The following POU6F2 variants were observed in gnomAD, a reference collection of about 807,000 sequenced individuals.
POU6F2 encodes POU domain, class 6, transcription factor 2.
POU6F2 carries 31 observed loss-of-function variants against 71.3 expected under a neutral mutation model. The ratio of observed to expected loss-of-function variants is 0.43; its 90% CI spans 0.33 to 0.59. The LOEUF is 0.59. POU6F2 is among the 20% of genes least tolerant of loss of function. The pLI is 0.04. For missense variants in POU6F2, 783 were observed against 856.8 expected, an observed-to-expected ratio of 0.91 and a Z score of 1.07; for synonymous variants, 347 against 355.7, an observed-to-expected ratio of 0.98 and a Z score of 0.27.
chr7:39,373,546 G>A, intron 5 of POU6F2: 1 of 456,692 alleles, frequency 2.2e-6, no homozygotes, highest in South Asian at 1.5e-5. Flanking sequence ...CTTCACTTCA[G>A]AAATGATTCA....
At chr7:39,082,891 C>CA (rs532287683) in intron 1 of POU6F2, among the ~76,000 whole-genome samples, 14 of 149,886 alleles carry the variant, frequency 9.3e-5, no homozygotes, top group South Asian at 2.1e-4. Context: ...TTTTGTAAGA[C>CA]AAAAAAAATT....
intron 4 of POU6F2, among the ~76,000 whole-genome samples, chr7:39,225,939 T>A (rs1358727211): frequency 6.6e-6 from 1 of 151,516 alleles, no homozygotes; most frequent in African/African-American, 2.4e-5. Flanking sequence ...CAGGTTTTAA[T>A]GTAGAATTAA....
At chr7:39,273,290 C>T (rs1006766239) in intron 4 of POU6F2, among the ~76,000 whole-genome samples, 2 of 152,086 alleles carry the variant, frequency 1.3e-5, no homozygotes, top group African/African-American at 4.8e-5. Context: ...GTACAGTGAA[C>T]AAACCTAGAA....
chr7:39,416,093 TACACACAC>T (rs57579748), intron 6 of POU6F2, among the ~76,000 whole-genome samples: 5,408 of 139,216 alleles, frequency 0.039, 118 homozygotes, highest in Non-Finnish European at 0.048. Flanking sequence ...CTCGAAGGCA[TACACACAC>T]ACACACACAC....
chr7:39,192,121 T>C lies in POU6F2; in HGVS notation c.278-12114T>C, dbSNP rs141573492. Among the ~76,000 whole-genome samples, 265 of 152,354 alleles carry C rather than the reference T, an allele frequency of 1.7e-3. 2 individuals carry two copies. Among genetic ancestry groups the C allele is most frequent in the African/African-American group, 6.2e-3 (259 of 41,588 alleles). On this transcript the variant is annotated intron_variant, in intron 2 of 9. Transcript: ENST00000518318. ...ATCAATTTTGTGGTGTTGTCTGTTA[T>C]AGAAGCTCTATTACCATAAGGGTTT...
chr7:39,301,023 C>A (rs932937321), intron 4 of POU6F2, among the ~76,000 whole-genome samples: 5 of 152,098 alleles, frequency 3.3e-5, no homozygotes, highest in African/African-American at 7.2e-5. Flanking sequence ...TGAGGAAATG[C>A]CATAGAGTAA....
intron 2 of POU6F2, among the ~76,000 whole-genome samples, chr7:39,200,029 A>T (rs1490116730): frequency 2.0e-5 from 3 of 152,224 alleles, no homozygotes; most frequent in Admixed American, 1.3e-4. Flanking sequence ...ATTACAAAAC[A>T]GATGTATCTG....
intron 4 of POU6F2, among the ~76,000 whole-genome samples, chr7:39,249,183 CCT>C (rs982263793): frequency 6.6e-6 from 1 of 152,222 alleles, no homozygotes; most frequent in African/African-American, 2.4e-5. Flanking sequence ...GTTGCTGACT[CCT>C]TAATGTGCTG....
At chr7:39,228,008 C>T (rs1028021343) in intron 4 of POU6F2, among the ~76,000 whole-genome samples, 2 of 152,060 alleles carry the variant, frequency 1.3e-5, no homozygotes, top group African/African-American at 4.8e-5. Context: ...GGTTGGTGGG[C>T]CTGGATTCAT....
chr7:39,406,352 T>TTC, intron 5 of POU6F2: 1 of 500,414 alleles, frequency 2.0e-6, no homozygotes, highest in South Asian at 2.5e-5. Context: ...TTCAGGCTCG[T>TTC]TCCCTCCTGG....
Position 39,433,065 on chromosome 7 carries a change from C to T in POU6F2, c.1114-12C>T. ...ACCGAGCCAGCTCCTCACCTTTGGC[C>T]CTCTCTTGCAGATTATCGGGACCAT... On this transcript the variant is annotated splice_polypyrimidine_tract_variant and intron_variant, in intron 6 of 9. Coordinates refer to ENST00000518318, the MANE Select transcript of POU6F2 (RefSeq NM_001370959.1). 6.2e-7 allele frequency: 1 copy of T among 1,612,254 alleles called. No homozygotes were observed. Among genetic ancestry groups the T allele is most frequent in the Non-Finnish European group, 8.5e-7 (1 of 1,178,704 alleles).
At chr7:39,406,471 C>T in intron 5 of POU6F2, 129 bp from the exon 6 acceptor site, 1 of 1,069,054 alleles carries the variant, frequency 9.4e-7, no homozygotes. Context: ...CCACGCCCCT[C>T]CGGTGGGTTC....
At chr7:39,150,657 G>A (rs1157058339) in intron 2 of POU6F2, among the ~76,000 whole-genome samples, 3 of 151,278 alleles carry the variant, frequency 2.0e-5, no homozygotes, top group African/African-American at 7.3e-5. Flanking sequence ...TAGTACAGAT[G>A]GGGTTTCGTC....
chr7:39,034,522 T>A (rs1790016284), intron 1 of POU6F2: 1 of 421,470 alleles, frequency 2.4e-6, no homozygotes, highest in East Asian at 7.2e-5. Context: ...GATATAATAA[T>A]GCACATAAAG....
chr7:39,267,454 C>T (rs1005843366), intron 4 of POU6F2, among the ~76,000 whole-genome samples: 2 of 152,110 alleles, frequency 1.3e-5, no homozygotes, highest in Non-Finnish European at 1.5e-5. Context: ...AGCAGGGAGC[C>T]CCGCATCTGT....
intron 7 of POU6F2, among the ~76,000 whole-genome samples, chr7:39,433,816 A>G (rs1297708658): frequency 6.6e-6 from 1 of 152,206 alleles, no homozygotes; most frequent in Non-Finnish European, 1.5e-5. Flanking sequence ...TTTGTGCTAG[A>G]GATTGGGTCC....
At chr7:39,050,547 A>G (rs976915718) in intron 1 of POU6F2, among the ~76,000 whole-genome samples, 1 of 151,966 alleles carries the variant, frequency 6.6e-6, no homozygotes, top group East Asian at 1.9e-4. Context: ...CATTTCCCAT[A>G]TTTTCCTGCT....
intron 6 of POU6F2, among the ~76,000 whole-genome samples, chr7:39,429,561 G>A (rs1788048732): frequency 6.6e-6 from 1 of 152,126 alleles, no homozygotes; most frequent in South Asian, 2.1e-4. Context: ...CATGGCATTT[G>A]ACACAGTGTT....
rs375563176 is a variant in POU6F2 at position 38,988,392 on chromosome 7, T to C, written c.105+10334T>C. ...AGTGCACTCTATACCCCTATGAAAA[T>C]TGAACAATGTAACCCCTCCTGCCCC... is the stretch of plus-strand genomic sequence containing the variant. On this transcript the variant is annotated intron_variant, in intron 1 of 9. Transcript: ENST00000518318. Among the ~76,000 whole-genome samples, 8 of 152,020 alleles carry C rather than the reference T, an allele frequency of 5.3e-5. No individual in the cohort carries two copies. In the South Asian group the frequency reaches 1.7e-3, roughly 32 times the overall value.
Sources: gnomAD v4.1 joint callset for allele counts (sites outside exome capture counted in the v4.1 genomes callset) on GRCh38, gnomAD v4.1.1 for gene constraint, MANE v1.5 for transcripts, NCBI Gene and HGNC (gene_info 2026-07-23, HGNC 2026-07-21) for gene names.